The following VPS45 variants were observed in gnomAD, a reference collection of about 807,000 sequenced individuals.
VPS45 encodes the protein vacuolar protein sorting-associated protein 45.
In VPS45, 35 loss-of-function variants were observed where a neutral mutation model predicts 75.9. The ratio of observed to expected loss-of-function variants is 0.46; its 90% confidence interval spans 0.35 to 0.61. The LOEUF (loss-of-function observed/expected upper bound fraction) is 0.61. VPS45 is among the 20% of genes least tolerant of loss of function. The pLI is 0.00. For synonymous variants in VPS45, 220 were observed against 238.2 expected (o/e 0.92, Z 0.70); for missense variants, 559 against 685.9 (o/e 0.81, Z 2.07).
chr1:150,100,501 C>T (rs1487332474), intron 13 of VPS45, among the ~76,000 whole-genome samples: 2 of 152,020 alleles, frequency 1.3e-5, no homozygotes, highest in Non-Finnish European at 2.9e-5. Context: ...TCATATGGAA[C>T]CAAAAAAACG....
At chr1:150,124,327 C>T (rs918499071) in intron 14 of VPS45, among the ~76,000 whole-genome samples, 4 of 151,806 alleles carry the variant, frequency 2.6e-5, no homozygotes, top group Non-Finnish European at 4.4e-5. Flanking sequence ...GACGTGGTGG[C>T]GTGCACATGT....
At chr1:150,074,996 C>G (rs1229146735) in intron 3 of VPS45, among the ~76,000 whole-genome samples, 1 of 109,154 alleles carries the variant, frequency 9.2e-6, no homozygotes, top group Non-Finnish European at 1.7e-5. Context: ...CAGTCTCCCT[C>G]TGTCACCCAG....
intron 1 of VPS45, 31 bp from the exon 2 acceptor site, chr1:150,068,599 C>G (rs1654853924): frequency 1.3e-6 from 2 of 1,484,742 alleles, no homozygotes; most frequent in Non-Finnish European, 1.8e-6. Flanking sequence ...TCTAGACTAG[C>G]ATACTTTTAG....
chr1:150,113,955 T>C (rs187061842), intron 14 of VPS45, among the ~76,000 whole-genome samples: 1 of 152,210 alleles, frequency 6.6e-6, no homozygotes, highest in East Asian at 1.9e-4. Flanking sequence ...TTTCTGCCTT[T>C]CTCACAAATA....
intron 13 of VPS45, among the ~76,000 whole-genome samples, chr1:150,100,125 A>G (rs1656899798): frequency 6.6e-6 from 1 of 152,200 alleles, no homozygotes; most frequent in Non-Finnish European, 1.5e-5. Context: ...CTGATAAACA[A>G]CTTCAGCAAA....
chr1:150,137,090 G>A (rs1659148786), intron 14 of VPS45, among the ~76,000 whole-genome samples: 1 of 151,964 alleles, frequency 6.6e-6, no homozygotes, highest in African/African-American at 2.4e-5. Flanking sequence ...TGTAGAGACG[G>A]GGATTCACCA....
chr1:150,134,998 G>C (rs1415095933), intron 14 of VPS45, among the ~76,000 whole-genome samples: 5 of 152,130 alleles, frequency 3.3e-5, no homozygotes, highest in Non-Finnish European at 7.4e-5. Context: ...AAACATCCCT[G>C]TCTTCAATGA....
intron 14 of VPS45, among the ~76,000 whole-genome samples, chr1:150,138,386 G>A (rs1462259964): frequency 6.6e-6 from 1 of 152,096 alleles, no homozygotes; most frequent in Non-Finnish European, 1.5e-5. Flanking sequence ...TTCCTTCTCT[G>A]TCTCATTTGC....
intron 14 of VPS45, among the ~76,000 whole-genome samples, chr1:150,122,587 T>A (rs1045529400): frequency 1.3e-5 from 2 of 152,074 alleles, no homozygotes; most frequent in African/African-American, 4.8e-5. Flanking sequence ...GGGTTTTTTT[T>A]AATGTTTTTA....
chr1:150,131,676 TAA>T (rs34119963), intron 14 of VPS45, among the ~76,000 whole-genome samples: 3 of 139,272 alleles, frequency 2.2e-5, no homozygotes, highest in African/African-American at 8.1e-5. Flanking sequence ...TTTTTGTCTC[TAA>T]AAAAAAAAAA....
intron 13 of VPS45, among the ~76,000 whole-genome samples, chr1:150,096,619 A>G (rs587642163): frequency 1.6e-4 from 24 of 152,312 alleles, no homozygotes; most frequent in Non-Finnish European, 2.6e-4. Flanking sequence ...AGCCAGAGCT[A>G]AAGTCTTCAT....
chr1:150,068,556 A>G, intron 1 of VPS45, 74 bp from the exon 2 acceptor site: 1 of 1,320,862 alleles, frequency 7.6e-7, no homozygotes. Context: ...TTAATGAAAA[A>G]AGAGGGTTAG....
intron 13 of VPS45, among the ~76,000 whole-genome samples, chr1:150,103,380 C>T (rs970615147): frequency 2.6e-5 from 4 of 152,124 alleles, no homozygotes; most frequent in African/African-American, 4.8e-5. Flanking sequence ...TTTTCATAGA[C>T]GTTCTTCCTT....
intron 13 of VPS45, among the ~76,000 whole-genome samples, chr1:150,099,869 C>A (rs1422254749): frequency 6.1e-5 from 9 of 146,410 alleles, no homozygotes; most frequent in Non-Finnish European, 1.3e-4. Flanking sequence ...CTATGACAAA[C>A]CCACAGCCAA....
At chr1:150,109,127 A>T (rs1192517445) in intron 13 of VPS45, 3 of 152,000 alleles carry the variant, frequency 2.0e-5, no homozygotes, top group African/African-American at 7.3e-5. Flanking sequence ...CACCTCCCAG[A>T]TTCAAGCAAT....
chr1:150,113,475 C>T (rs868978847), intron 14 of VPS45, among the ~76,000 whole-genome samples: 10 of 152,210 alleles, frequency 6.6e-5, no homozygotes, highest in African/African-American at 2.4e-4. Flanking sequence ...ACATTGCCAG[C>T]ACCCCCAGCA....
chr1:150,111,239 A>T (rs1025877278), intron 14 of VPS45, among the ~76,000 whole-genome samples: 11 of 152,240 alleles, frequency 7.2e-5, no homozygotes, highest in Non-Finnish European at 1.6e-4. Flanking sequence ...AATGTTTCAC[A>T]TAGAAGATAG....
chr1:150,117,712 T>G (rs1404415693), intron 14 of VPS45, among the ~76,000 whole-genome samples: 2 of 149,044 alleles, frequency 1.3e-5, no homozygotes, highest in African/African-American at 5.0e-5. Flanking sequence ...TACAAAAAAG[T>G]AGCCAGGTGT....
rs587669670 is a variant in VPS45 at position 150,119,851 on chromosome 1, G to A, written c.1625+9224G>A. ...AGGCCGGGCGCGGTGGCTCATGCCT[G>A]TAATCCCAGCACTTTGGGAGGCCGA... is the stretch of plus-strand genomic sequence containing the variant. On this transcript the variant is annotated intron_variant, in intron 14 of 14. Transcript: ENST00000644510. Among the ~76,000 whole-genome samples, 3 of 152,292 alleles carry A rather than the reference G, an allele frequency of 2.0e-5. No individual in the cohort carries two copies. The East Asian group carries it at 5.8e-4, about 29-fold the overall frequency.
Sources: allele counts gnomAD v4.1 joint callset (sites outside exome capture counted in the v4.1 genomes callset), GRCh38; gene constraint gnomAD v4.1.1; transcripts MANE v1.5; gene names NCBI Gene and HGNC (gene_info 2026-07-23, HGNC 2026-07-21).